Variants in RALA observed in about 807,000 individuals in gnomAD.
RALA encodes RAS like proto-oncogene A.
A neutral mutation model predicts 24.0 loss-of-function variants in RALA; 5 were observed. The ratio of observed to expected loss-of-function variants is 0.21; its 90% CI spans 0.11 to 0.44. RALA has a LOEUF of 0.44. Among genes scored for constraint, RALA ranks in the 20% least tolerant of loss-of-function variants. The pLI is 0.99. For missense variants in RALA, 95 were observed against 241.2 expected (o/e 0.39, Z 4.01); for synonymous variants, 77 against 83.8 (o/e 0.92, Z 0.44).
At chr7:39,701,001 A>C (rs1415456800) in intron 4 of RALA, 3 of 152,254 alleles carry the variant, frequency 2.0e-5, no homozygotes, top group Non-Finnish European at 4.4e-5. Flanking sequence ...ATTTGTGTTT[A>C]TAAGAGCCAG....
intron 1 of RALA, among the ~76,000 whole-genome samples, chr7:39,662,280 C>T (rs1418138203): frequency 6.6e-6 from 1 of 152,136 alleles, no homozygotes; most frequent in Non-Finnish European, 1.5e-5. Context: ...GCTCCGGAGA[C>T]ATTTTCCCCC....
At chr7:39,661,492 A>G (rs911603232) in intron 1 of RALA, among the ~76,000 whole-genome samples, 2 of 152,230 alleles carry the variant, frequency 1.3e-5, no homozygotes, top group Non-Finnish European at 2.9e-5. Flanking sequence ...CACCCATTCC[A>G]AATGGGAGAA....
rs147554273 is a variant in RALA at position 39,632,504 on chromosome 7, C to T, written c.-38+8679C>T. Among the ~76,000 whole-genome samples the T allele has an allele frequency of 2.7e-3, 412 of 152,284 alleles. 1 individual carries two copies. Among genetic ancestry groups the T allele is most frequent in the Non-Finnish European group, 4.6e-3 (315 of 68,022 alleles). On this transcript the variant is annotated intron_variant, in intron 1 of 4. Transcript: ENST00000005257. ...CTTACAAGGGTTGCACACAGTCCTT[C>T]GCTGTGTCTTTAAGAGATGCTTATG...
chr7:39,694,180 T>C (rs1209584208), intron 3 of RALA, among the ~76,000 whole-genome samples: 1 of 152,242 alleles, frequency 6.6e-6, no homozygotes, highest in Non-Finnish European at 1.5e-5. Context: ...CTATGTCTTA[T>C]GATATGGCAC....
intron 1 of RALA, among the ~76,000 whole-genome samples, chr7:39,674,047 AAAT>A (rs1562618709): frequency 0.2 from 29,660 of 147,218 alleles, 3,948 homozygotes; most frequent in African/African-American, 0.34. Flanking sequence ...CACTGTAAAT[AAAT>A]AAATAAATAA....
chr7:39,630,207 C>G (rs1791570169), intron 1 of RALA, among the ~76,000 whole-genome samples: 1 of 137,220 alleles, frequency 7.3e-6, no homozygotes, highest in African/African-American at 2.7e-5. Flanking sequence ...CCATGCCTTG[C>G]TAATTTTTTT....
At chr7:39,646,765 TTTTTTTGGTCCTGCATGC>T (rs1239396212) in intron 1 of RALA, among the ~76,000 whole-genome samples, 6 of 152,180 alleles carry the variant, frequency 3.9e-5, no homozygotes, top group African/African-American at 1.4e-4. Context: ...AGGAGTAATG[TTTTTTTGGTCCTGCATGC>T]TCTCAGTACA....
chr7:39,662,582 G>C (rs150063667), intron 1 of RALA, among the ~76,000 whole-genome samples: 2 of 152,078 alleles, frequency 1.3e-5, no homozygotes, highest in Admixed American at 1.3e-4. Flanking sequence ...CTAAAACATA[G>C]CAAGAGTCAC....
chr7:39,633,583 G>A (rs1442534411), intron 1 of RALA, among the ~76,000 whole-genome samples: 1 of 152,166 alleles, frequency 6.6e-6, no homozygotes, highest in Non-Finnish European at 1.5e-5. Flanking sequence ...TGGGGTTATG[G>A]CGATTATAAT....
At chr7:39,680,328 A>T (rs772760078) in intron 1 of RALA, among the ~76,000 whole-genome samples, 13 of 151,738 alleles carry the variant, frequency 8.6e-5, no homozygotes, top group Non-Finnish European at 1.8e-4. Flanking sequence ...GTGAGCTGAG[A>T]TCGCACCATT....
intron 4 of RALA, among the ~76,000 whole-genome samples, chr7:39,705,745 T>C (rs1367483216): frequency 6.6e-6 from 1 of 151,530 alleles, no homozygotes; most frequent in Non-Finnish European, 1.5e-5. Flanking sequence ...GCATATATTA[T>C]TAAATATAAA....
chr7:39,648,497 G>A (rs1398338341), intron 1 of RALA, among the ~76,000 whole-genome samples: 1 of 151,966 alleles, frequency 6.6e-6, no homozygotes, highest in Non-Finnish European at 1.5e-5. Flanking sequence ...ACTATCTAAG[G>A]TAGTGGAGAT....
At chr7:39,689,035 C>T (rs941273659) in intron 2 of RALA, among the ~76,000 whole-genome samples, 4 of 152,120 alleles carry the variant, frequency 2.6e-5, no homozygotes, top group East Asian at 1.9e-4. Flanking sequence ...CATCAGATCT[C>T]GTGAGAACTC....
chr7:39,669,906 A>G (rs1792351825), intron 1 of RALA, among the ~76,000 whole-genome samples: 1 of 151,614 alleles, frequency 6.6e-6, no homozygotes, highest in Non-Finnish European at 1.5e-5. Flanking sequence ...TGCCCTACTC[A>G]TTTTTAAACT....
chr7:39,646,223 G>C (rs1791920813), intron 1 of RALA, among the ~76,000 whole-genome samples: 1 of 152,032 alleles, frequency 6.6e-6, no homozygotes, highest in African/African-American at 2.4e-5. Context: ...AGCCTGGGAG[G>C]TCAAGGCCGC....
At chr7:39,693,499 A>G (rs1365530286) in intron 3 of RALA, among the ~76,000 whole-genome samples, 1 of 152,216 alleles carries the variant, frequency 6.6e-6, no homozygotes, top group Non-Finnish European at 1.5e-5. Context: ...GCAAACCAAC[A>G]TGGCACATGT....
intron 1 of RALA, chr7:39,624,361 A>AT (rs1469318593): frequency 6.8e-6 from 1 of 147,220 alleles, no homozygotes; most frequent in Non-Finnish European, 1.5e-5. Flanking sequence ...ACTTAAAGTC[A>AT]TTAGACTCTC....
At chr7:39,693,836 T>G (rs1227695337) in intron 3 of RALA, among the ~76,000 whole-genome samples, 4 of 152,170 alleles carry the variant, frequency 2.6e-5, no homozygotes, top group African/African-American at 7.2e-5. Context: ...AAAGGATGTT[T>G]AAGACAAATA....
intron 3 of RALA, among the ~76,000 whole-genome samples, chr7:39,692,942 GA>G (rs1378464317): frequency 3.9e-5 from 6 of 152,234 alleles, no homozygotes; most frequent in Non-Finnish European, 7.3e-5. Flanking sequence ...AGGATGTGGA[GA>G]AATAGGAATG....
Sources: allele counts gnomAD v4.1 joint callset (sites outside exome capture counted in the v4.1 genomes callset), GRCh38; gene constraint gnomAD v4.1.1; transcripts MANE v1.5; gene names NCBI Gene and HGNC (gene_info 2026-07-23, HGNC 2026-07-21).